Variants in TTLL11 observed in about 807,000 individuals in gnomAD.
TTLL11 encodes tubulin tyrosine ligase like 11.
TTLL11 carries 42 observed loss-of-function variants against 51.7 expected under a neutral mutation model. The ratio of observed to expected loss-of-function variants is 0.81; its 90% confidence interval spans 0.64 to 1.05. The LOEUF is 1.05. Ranked by LOEUF, TTLL11 falls within the 50% of genes least tolerant of loss-of-function variation. TTLL11 has a pLI of 0.00. For synonymous variants in TTLL11, 381 were observed against 383.5 expected (o/e 0.99, Z 0.08); for missense variants, 799 against 940.4 (o/e 0.85, Z 1.97).
At chr9:121,897,618 G>GCAGGCACACACACACACACA (rs1554766717) in intron 6 of TTLL11, among the ~76,000 whole-genome samples, 2 of 136,950 alleles carry the variant, frequency 1.5e-5, no homozygotes, top group African/African-American at 5.5e-5. Flanking sequence ...TTCCCTCCAG[G>GCAGGCACACACACACACACA]CACACACACA....
rs183643835 is a variant in TTLL11, at chr9:121,958,291, G to A, written c.1481+15718C>T. On this transcript the variant is annotated intron_variant, in intron 6 of 8. Transcript: ENST00000321582. Reference sequence around the variant, plus strand: ...ATTTCAGGCGAAGTAAGTCATTGCTGTTGCTGTTTTCTTTCTTTCTTTGAG... The same window carrying A: ...ATTTCAGGCGAAGTAAGTCATTGCTATTGCTGTTTTCTTTCTTTCTTTGAG... Among the ~76,000 whole-genome samples, 221 of 152,314 alleles carry A rather than the reference G, an allele frequency of 1.5e-3. 1 individual carries two copies. The highest frequency in any genetic ancestry group is 1.5e-3 in the Non-Finnish European group (102 of 68,018).
chr9:121,944,761 G>A (rs1373976446), intron 6 of TTLL11, among the ~76,000 whole-genome samples: 3 of 152,152 alleles, frequency 2.0e-5, no homozygotes, highest in Non-Finnish European at 4.4e-5. Context: ...ATTCCAGCCT[G>A]GCCCACACTG....
chr9:121,892,749 G>A (rs1588101594), intron 6 of TTLL11, among the ~76,000 whole-genome samples: 1 of 152,230 alleles, frequency 6.6e-6, no homozygotes, highest in Non-Finnish European at 1.5e-5. Context: ...TGGAAGAGAA[G>A]CTCCTCCCTG....
chr9:121,846,343 C>T (rs1837515358), intron 8 of TTLL11, among the ~76,000 whole-genome samples: 2 of 152,146 alleles, frequency 1.3e-5, no homozygotes, highest in Admixed American at 6.5e-5. Flanking sequence ...GTGGAGACTT[C>T]AACACCCCTC....
At chr9:122,082,877 A>C (rs1050486054) in intron 1 of TTLL11, among the ~76,000 whole-genome samples, 1 of 151,980 alleles carries the variant, frequency 6.6e-6, no homozygotes, top group Non-Finnish European at 1.5e-5. Flanking sequence ...AAAATATAAA[A>C]AATTAGCTGG....
At chr9:121,944,506 C>CAA (rs34480595) in intron 6 of TTLL11, among the ~76,000 whole-genome samples, 5 of 149,454 alleles carry the variant, frequency 3.3e-5, no homozygotes, top group Admixed American at 6.6e-5. Context: ...GACTCCATCT[C>CAA]AAAAAAAAAG....
chr9:122,060,620 T>C (rs550756747), intron 1 of TTLL11, among the ~76,000 whole-genome samples: 17 of 152,340 alleles, frequency 1.1e-4, no homozygotes, highest in African/African-American at 3.8e-4. Flanking sequence ...GAATCAGATC[T>C]TGGTTTGAAT....
intron 6 of TTLL11, among the ~76,000 whole-genome samples, chr9:121,881,859 A>C (rs577544002): frequency 6.6e-6 from 1 of 152,308 alleles, no homozygotes; most frequent in East Asian, 1.9e-4. Context: ...TGGTTAAACC[A>C]CACAGAGACC....
intron 1 of TTLL11, among the ~76,000 whole-genome samples, chr9:122,057,137 T>C (rs1159057840): frequency 6.6e-6 from 1 of 152,166 alleles, no homozygotes; most frequent in East Asian, 1.9e-4. Context: ...TTAAACCCCA[T>C]TATTGTTTTA....
At chr9:122,070,294 T>G (rs1208705371) in intron 1 of TTLL11, among the ~76,000 whole-genome samples, 2 of 152,106 alleles carry the variant, frequency 1.3e-5, no homozygotes, top group African/African-American at 4.8e-5. Flanking sequence ...AAGAGCTCTG[T>G]GTGAGCAAAG....
intron 6 of TTLL11, among the ~76,000 whole-genome samples, chr9:121,917,256 G>T (rs1250859488): frequency 1.3e-5 from 2 of 151,872 alleles, no homozygotes; most frequent in African/African-American, 4.8e-5. Flanking sequence ...ATTGCTTGAG[G>T]CCAGAAGTTC....
intron 6 of TTLL11, among the ~76,000 whole-genome samples, chr9:121,944,714 T>C (rs1306368685): frequency 1.3e-5 from 2 of 152,162 alleles, no homozygotes; most frequent in Middle Eastern, 3.2e-3. Context: ...GAAGAAGCTA[T>C]TGAAAAGAAC....
intron 3 of TTLL11, among the ~76,000 whole-genome samples, chr9:122,023,015 C>G (rs1844222997): frequency 6.6e-6 from 1 of 151,726 alleles, no homozygotes; most frequent in South Asian, 2.1e-4. Flanking sequence ...ACAACTATAG[C>G]TATTATGCCA....
At chr9:121,907,202 C>A (rs1208998636) in intron 6 of TTLL11, among the ~76,000 whole-genome samples, 1 of 152,092 alleles carries the variant, frequency 6.6e-6, no homozygotes, top group Non-Finnish European at 1.5e-5. Context: ...ACTAGAGACA[C>A]AAATTGGGAG....
intron 6 of TTLL11, among the ~76,000 whole-genome samples, chr9:121,888,561 C>T (rs1839102459): frequency 6.6e-6 from 1 of 152,230 alleles, no homozygotes; most frequent in South Asian, 2.1e-4. Context: ...AGGCCCGGAG[C>T]AGGGAATCAG....
rs184387842 is a variant in TTLL11 at position 121,965,053 on chromosome 9, G to T, written c.1481+8956C>A. Reference sequence around the variant, plus strand: ...AAACACTCGAGATAAATAAATATCTGTTTCTCTAATCCACACATGGTACAA... The same window carrying T: ...AAACACTCGAGATAAATAAATATCTTTTTCTCTAATCCACACATGGTACAA... On this transcript the variant is annotated intron_variant, in intron 6 of 8. Coordinates refer to ENST00000321582, the MANE Select transcript of TTLL11 (RefSeq NM_001139442.2). 2.3e-3 allele frequency among the ~76,000 whole-genome samples: 354 copies of T among 152,250 alleles called. 1 individual carries two copies. The highest frequency in any genetic ancestry group is 8.2e-3 in the Admixed American group (125 of 15,298).
intron 6 of TTLL11, among the ~76,000 whole-genome samples, chr9:121,938,939 C>G (rs948049707): frequency 2.6e-5 from 4 of 152,144 alleles, no homozygotes; most frequent in African/African-American, 9.7e-5. Context: ...AGGCACTGTT[C>G]TAGGTGCAAG....
chr9:122,088,958 A>T (rs1040423570), intron 1 of TTLL11, among the ~76,000 whole-genome samples: 1 of 148,348 alleles, frequency 6.7e-6, no homozygotes, highest in South Asian at 2.2e-4. Context: ...GTGAGAGTGC[A>T]GTGAGCCAAG....
chr9:122,040,387 C>T, intron 1 of TTLL11: 1 of 984,846 alleles, frequency 1.0e-6, no homozygotes, highest in Non-Finnish European at 1.2e-6. Flanking sequence ...GACAAAAGGG[C>T]CTGTTCTTTC....
Sources: allele counts gnomAD v4.1 joint callset (sites outside exome capture counted in the v4.1 genomes callset), GRCh38; gene constraint gnomAD v4.1.1; transcripts MANE v1.5; gene names NCBI Gene and HGNC (gene_info 2026-07-23, HGNC 2026-07-21).